Variants in TAFA1 observed in about 807,000 individuals in gnomAD.
TAFA1 encodes the protein chemokine-like protein TAFA-1.
TAFA1 carries 4 observed loss-of-function variants against 18.5 expected under a neutral mutation model. The ratio of observed to expected loss-of-function variants is 0.22; its 90% CI spans 0.11 to 0.49. The LOEUF (loss-of-function observed/expected upper bound fraction) is 0.49. TAFA1 is among the 20% of genes least tolerant of loss of function. TAFA1 has a pLI of 0.98. For missense variants in TAFA1, 147 were observed against 169.0 expected (o/e 0.87, Z 0.72); for synonymous variants, 56 against 55.2 (o/e 1.01, Z -0.06).
intron 2 of TAFA1, among the ~76,000 whole-genome samples, chr3:68,226,694 C>CT (rs2107106161): frequency 6.6e-6 from 1 of 152,234 alleles, no homozygotes; most frequent in East Asian, 1.9e-4. Flanking sequence ...GACTCTCAAC[C>CT]ACCCTGAGAT....
chr3:68,467,703 G>T (rs2071915919), intron 3 of TAFA1, among the ~76,000 whole-genome samples: 2 of 152,288 alleles, frequency 1.3e-5, no homozygotes, highest in Middle Eastern at 3.4e-3. Context: ...GGCAGACCAG[G>T]TTCCTCAGAC....
At chr3:68,135,968 T>C (rs538057888) in intron 2 of TAFA1, among the ~76,000 whole-genome samples, 3 of 152,314 alleles carry the variant, frequency 2.0e-5, no homozygotes, top group South Asian at 2.1e-4. Context: ...TACTTACATA[T>C]GCTTAAGTAG....
At chr3:68,426,759 C>T (rs1040069568) in intron 3 of TAFA1, among the ~76,000 whole-genome samples, 1 of 151,760 alleles carries the variant, frequency 6.6e-6, no homozygotes, top group Non-Finnish European at 1.5e-5. Context: ...CTGGCTGTTT[C>T]GGGTACATAA....
chr3:68,249,797 A>G (rs1218602339), intron 2 of TAFA1, among the ~76,000 whole-genome samples: 1 of 152,138 alleles, frequency 6.6e-6, no homozygotes, highest in Non-Finnish European at 1.5e-5. Context: ...GAGAAGGCAC[A>G]CCATTGACCC....
At chr3:68,147,506 T>A (rs545275407) in intron 2 of TAFA1, among the ~76,000 whole-genome samples, 1 of 152,194 alleles carries the variant, frequency 6.6e-6, no homozygotes, top group East Asian at 1.9e-4. Context: ...CCACTTAATA[T>A]GTTAAGCTCG....
At chr3:68,393,312 G>A (rs954941152) in intron 2 of TAFA1, among the ~76,000 whole-genome samples, 2 of 151,358 alleles carry the variant, frequency 1.3e-5, no homozygotes, top group Non-Finnish European at 2.9e-5. Flanking sequence ...TCAGGAAGAA[G>A]TCAAATCCCT....
At chr3:68,296,546 T>C (rs542050089) in intron 2 of TAFA1, among the ~76,000 whole-genome samples, 50 of 144,468 alleles carry the variant, frequency 3.5e-4, no homozygotes, top group Non-Finnish European at 5.8e-4. Flanking sequence ...TATCAAGTGA[T>C]TTTTAGGGGC....
In TAFA1 at chr3:68,270,600, G is replaced by T. The variant is rs114090600; in HGVS notation, c.119-146680G>T. ...AAGGACCAGGTTATCTGTGGACCCA[G>T]GATGAAAGTATAACCTGGGTCTACC... On this transcript the variant is annotated intron_variant, in intron 2 of 4. Transcript: ENST00000478136. Among the ~76,000 whole-genome samples, 601 of 152,274 alleles carry T rather than the reference G, an allele frequency of 3.9e-3. 3 individuals are homozygous for T. The highest frequency in any genetic ancestry group is 0.014 in the African/African-American group (580 of 41,546).
rs1435984224 is a variant in TAFA1, at chr3:68,544,718, G to A, written c.*215G>A. 4.4e-6 allele frequency: 2 copies of A among 452,046 alleles called. No individual in the cohort carries two copies. The highest frequency in any genetic ancestry group is 1.1e-3 in the Middle Eastern group (2 of 1,758). 28.0% of individuals were successfully genotyped at this position (452,046 alleles called of 1,614,324 possible). A position where few individuals can be genotyped will look rare whatever the true frequency, so the allele number is the denominator to read the frequency against. On this transcript the variant is annotated 3_prime_UTR_variant, in exon 5 of 5. Coordinates refer to ENST00000478136, the MANE Select transcript of TAFA1 (RefSeq NM_213609.4). ...CACCATGGAAAGTGGGCTTAAAAAAGGGTTTTCTCAGTGAAATTTTTGGGC... is the reference window on the plus strand; with the variant it reads ...CACCATGGAAAGTGGGCTTAAAAAAAGGTTTTCTCAGTGAAATTTTTGGGC...
intron 2 of TAFA1, among the ~76,000 whole-genome samples, chr3:68,067,961 CAAAA>C (rs568771230): frequency 2.2e-3 from 328 of 152,004 alleles, no homozygotes; most frequent in African/African-American, 7.6e-3. Flanking sequence ...AAACAAAAAA[CAAAA>C]ACAAGACAAA....
chr3:68,343,107 C>T (rs1440632952), intron 2 of TAFA1, among the ~76,000 whole-genome samples: 1 of 152,210 alleles, frequency 6.6e-6, no homozygotes, highest in Non-Finnish European at 1.5e-5. Context: ...AACCCACTGG[C>T]ATCATTTCAA....
chr3:68,447,927 T>C lies in TAFA1; in HGVS notation c.259+30507T>C, dbSNP rs189963890. Among the ~76,000 whole-genome samples the C allele has an allele frequency of 1.8e-3, 277 of 152,318 alleles. 1 individual carries two copies. The highest frequency in any genetic ancestry group is 0.011 in the South Asian group (54 of 4,818). ...AACACTTTATTAAGTTGGTTAATCCTGCAATAATCCTATAAGATAGGTACA... is the reference window on the plus strand; with the variant it reads ...AACACTTTATTAAGTTGGTTAATCCCGCAATAATCCTATAAGATAGGTACA... On this transcript the variant is annotated intron_variant, in intron 3 of 4. Transcript: ENST00000478136.
intron 3 of TAFA1, among the ~76,000 whole-genome samples, chr3:68,527,216 G>A (rs2106764687): frequency 6.6e-6 from 1 of 152,238 alleles, no homozygotes; most frequent in South Asian, 2.1e-4. Context: ...CAGATTAAAA[G>A]TATAGAATAA....
At chr3:68,036,386 C>G (rs1487771936) in intron 2 of TAFA1, among the ~76,000 whole-genome samples, 2 of 145,496 alleles carry the variant, frequency 1.4e-5, no homozygotes, top group African/African-American at 2.6e-5. Flanking sequence ...TTGCAGTGAG[C>G]CAAGACTGTG....
intron 2 of TAFA1, among the ~76,000 whole-genome samples, chr3:68,379,575 T>G (rs262192): frequency 6.6e-6 from 1 of 152,154 alleles, no homozygotes. Context: ...GCCTGTTGCT[T>G]TGTCAAGAAT....
intron 2 of TAFA1, among the ~76,000 whole-genome samples, chr3:68,404,952 T>A (rs1373732842): frequency 1.3e-5 from 2 of 152,202 alleles, no homozygotes; most frequent in Admixed American, 6.5e-5. Flanking sequence ...TTTGATCTTT[T>A]CATCTTCACT....
chr3:68,201,692 A>C (rs1407529873), intron 2 of TAFA1, among the ~76,000 whole-genome samples: 1 of 151,632 alleles, frequency 6.6e-6, no homozygotes, highest in African/African-American at 2.4e-5. Context: ...TAATATAGCC[A>C]CTGTCTTAGT....
At chr3:68,121,703 A>G (rs2065401022) in intron 2 of TAFA1, among the ~76,000 whole-genome samples, 1 of 152,186 alleles carries the variant, frequency 6.6e-6, no homozygotes, top group Admixed American at 6.5e-5. Flanking sequence ...ATAATTTACT[A>G]TTTTGTTCAA....
At chr3:68,503,186 C>T (rs560506016) in intron 3 of TAFA1, among the ~76,000 whole-genome samples, 48 of 152,022 alleles carry the variant, frequency 3.2e-4, no homozygotes, top group Non-Finnish European at 6.2e-4. Flanking sequence ...TTTAGTGTCC[C>T]CAAGGGAAAA....
Sources: allele counts gnomAD v4.1 joint callset (sites outside exome capture counted in the v4.1 genomes callset), GRCh38; gene constraint gnomAD v4.1.1; transcripts MANE v1.5; gene names NCBI Gene and HGNC (gene_info 2026-07-23, HGNC 2026-07-21).